CTNND2: variants seen among roughly 807,000 people sequenced by gnomAD.
The protein encoded by CTNND2 is catenin delta-2.
CTNND2 carries 22 observed loss-of-function variants against 144.4 expected under a neutral mutation model. That is an observed-to-expected ratio of 0.15 (90% CI 0.11 to 0.22). The LOEUF (loss-of-function observed/expected upper bound fraction) is 0.22. Among genes scored for constraint, CTNND2 ranks in the 10% least tolerant of loss-of-function variants. The probability of loss-of-function intolerance (pLI) is 1.00; values close to 1 mark genes in which losing one functional copy is unlikely to be tolerated. For missense variants in CTNND2, 1,353 were observed against 1,618.8 expected (o/e 0.84, Z 2.82); for synonymous variants, 751 against 695.6 (o/e 1.08, Z -1.25).
intron 13 of CTNND2, 52 bp from the exon 14 acceptor site, chr5:11,111,095 A>G: frequency 6.5e-7 from 1 of 1,549,312 alleles, no homozygotes; most frequent in Admixed American, 1.8e-5. Flanking sequence ...AGCACTCAGC[A>G]CTCCATTCTT....
At chr5:11,650,446 G>A (rs1782591579) in intron 2 of CTNND2, among the ~76,000 whole-genome samples, 1 of 152,144 alleles carries the variant, frequency 6.6e-6, no homozygotes, top group African/African-American at 2.4e-5. Context: ...ACTGAGAAGT[G>A]GGGCATTGCT....
chr5:11,357,183 C>A (rs1755976731), intron 8 of CTNND2, among the ~76,000 whole-genome samples: 1 of 151,960 alleles, frequency 6.6e-6, no homozygotes, highest in African/African-American at 2.4e-5. Flanking sequence ...TAGGTATATA[C>A]CCAAAGAAAA....
chr5:11,296,092 GTA>G (rs1561171444), intron 9 of CTNND2, among the ~76,000 whole-genome samples: 1 of 65,312 alleles, frequency 1.5e-5, no homozygotes, highest in African/African-American at 6.1e-5. Flanking sequence ...CATCTGACAA[GTA>G]CTAATATCCA....
chr5:11,773,394 T>C (rs1790058712), intron 1 of CTNND2, among the ~76,000 whole-genome samples: 1 of 152,200 alleles, frequency 6.6e-6, no homozygotes, highest in South Asian at 2.1e-4. Context: ...GTCAAATGAG[T>C]TGGACACTCC....
intron 1 of CTNND2, among the ~76,000 whole-genome samples, chr5:11,794,888 C>T (rs896076215): frequency 2.6e-5 from 4 of 152,074 alleles, no homozygotes; most frequent in African/African-American, 9.7e-5. Context: ...ATTTATGATT[C>T]GTAGGCTCAA....
chr5:11,664,321 G>A (rs748559638), intron 2 of CTNND2, among the ~76,000 whole-genome samples: 2 of 152,174 alleles, frequency 1.3e-5, no homozygotes, highest in African/African-American at 2.4e-5. Context: ...AGCTGGGTGC[G>A]GTGGCTCACT....
intron 9 of CTNND2, among the ~76,000 whole-genome samples, chr5:11,293,974 T>C (rs573515244): frequency 1.5e-4 from 22 of 151,588 alleles, no homozygotes; most frequent in Non-Finnish European, 2.7e-4. Flanking sequence ...GTCTCAAAGT[T>C]TGGTTCAGGA....
chr5:11,572,904 G>A (rs1171767919), intron 2 of CTNND2, among the ~76,000 whole-genome samples: 1 of 152,182 alleles, frequency 6.6e-6, no homozygotes, highest in Non-Finnish European at 1.5e-5. Context: ...CAATAATAGA[G>A]CAAAATAACC....
At chr5:11,712,727 TAAAAC>T (rs1202554406) in intron 2 of CTNND2, among the ~76,000 whole-genome samples, 2 of 152,138 alleles carry the variant, frequency 1.3e-5, no homozygotes, top group African/African-American at 4.8e-5. Flanking sequence ...GAGGGTAAAA[TAAAAC>T]AAAAGAGTCG....
intron 1 of CTNND2, among the ~76,000 whole-genome samples, chr5:11,858,499 TACCAAC>T (rs1795348920): frequency 6.6e-6 from 1 of 152,202 alleles, no homozygotes; most frequent in Non-Finnish European, 1.5e-5. Context: ...CTTGTACTTT[TACCAAC>T]TATATTGCTC....
intron 3 of CTNND2, among the ~76,000 whole-genome samples, chr5:11,522,431 T>C (rs182963095): frequency 1.3e-5 from 2 of 152,268 alleles, no homozygotes; most frequent in Non-Finnish European, 2.9e-5. Context: ...AATAACCCCA[T>C]CATCAAAATC....
At chr5:11,692,171 G>T (rs1440714488) in intron 2 of CTNND2, among the ~76,000 whole-genome samples, 1 of 152,108 alleles carries the variant, frequency 6.6e-6, no homozygotes. Flanking sequence ...TGAAAGCATG[G>T]CTGCAATGTA....
At chr5:11,344,848 G>T (rs908814536) in intron 9 of CTNND2, among the ~76,000 whole-genome samples, 1 of 151,978 alleles carries the variant, frequency 6.6e-6, no homozygotes, top group Non-Finnish European at 1.5e-5. Context: ...GAAAGGATAC[G>T]CCATTTAATA....
intron 12 of CTNND2, among the ~76,000 whole-genome samples, chr5:11,142,418 G>A (rs1212611783): frequency 6.6e-6 from 1 of 152,116 alleles, no homozygotes; most frequent in Non-Finnish European, 1.5e-5. Flanking sequence ...GTGTGAAGTT[G>A]AATGCAAGGG....
chr5:11,054,711 G>T (rs1232688911), intron 16 of CTNND2, among the ~76,000 whole-genome samples: 3 of 152,094 alleles, frequency 2.0e-5, no homozygotes, highest in African/African-American at 4.8e-5. Context: ...TTGCTATAGA[G>T]TCAGGGTGAT....
At chr5:11,062,000 C>T (rs2149596903) in intron 16 of CTNND2, among the ~76,000 whole-genome samples, 1 of 152,310 alleles carries the variant, frequency 6.6e-6, no homozygotes, top group Non-Finnish European at 1.5e-5. Flanking sequence ...TGAGCCACTG[C>T]ACAGGGCCTG....
chr5:11,297,605 AC>A (rs1749156022), intron 9 of CTNND2, among the ~76,000 whole-genome samples: 1 of 152,236 alleles, frequency 6.6e-6, no homozygotes, highest in Admixed American at 6.5e-5. Context: ...AAGCATTTAA[AC>A]ATTTTTAAAT....
At chr5:11,005,208 G>C (rs1740354539) in intron 18 of CTNND2, among the ~76,000 whole-genome samples, 1 of 152,228 alleles carries the variant, frequency 6.6e-6, no homozygotes, top group South Asian at 2.1e-4. Context: ...CCAAGGCTCT[G>C]AGGTGGAAAC....
At chr5:11,220,985 T>C (rs922878824) in intron 10 of CTNND2, among the ~76,000 whole-genome samples, 2 of 152,236 alleles carry the variant, frequency 1.3e-5, no homozygotes, top group Non-Finnish European at 2.9e-5. Flanking sequence ...CTACTTGTCA[T>C]GCAAGAGGCA....
Sources: allele counts gnomAD v4.1 joint callset (sites outside exome capture counted in the v4.1 genomes callset), GRCh38; gene constraint gnomAD v4.1.1; transcripts MANE v1.5; gene names NCBI Gene and HGNC (gene_info 2026-07-23, HGNC 2026-07-21).